AFAP1L2: variants seen among roughly 807,000 people sequenced by gnomAD.
The protein encoded by AFAP1L2 is actin filament associated protein 1 like 2, also known as actin filament-associated protein 1-like 2.
Under a neutral mutation model 99.3 loss-of-function variants are expected in AFAP1L2, and 46 were observed. That is an observed-to-expected ratio of 0.46 (90% CI 0.37 to 0.59). AFAP1L2 has a LOEUF of 0.59. Ranked by LOEUF, AFAP1L2 falls within the 20% of genes least tolerant of loss-of-function variation. The pLI is 0.00. For missense variants in AFAP1L2, 959 were observed against 1,034.9 expected (o/e 0.93, Z 1.01); for synonymous variants, 397 against 419.1 (o/e 0.95, Z 0.64).
At position 114,294,936 on chromosome 10, in the gene AFAP1L2, C is replaced by T. The variant is rs2039953345; in HGVS notation, c.*1106G>A. On this transcript the variant is annotated 3_prime_UTR_variant, in exon 19 of 19. Transcript: ENST00000304129. ...AAGAATAAAAAAGACATTTAGTTCT[C>T]AGGAACAAGTGTTAGAGAACTGATA... 1.0e-6 allele frequency: 1 copy of T among 982,798 alleles called. No homozygotes were observed. The allele number at this position is 982,798 out of a possible 1,614,324, so 60.9% of individuals were successfully genotyped here.
chr10:114,342,006 G>A (rs1157009992), intron 1 of AFAP1L2, among the ~76,000 whole-genome samples: 1 of 152,174 alleles, frequency 6.6e-6, no homozygotes, highest in Non-Finnish European at 1.5e-5. Flanking sequence ...CTTGGAAGAC[G>A]GCTACGTGGG....
rs2044573535 is a variant in AFAP1L2, at chr10:114,318,748, G to GAAAAAAGAAAAAAAGAA, written c.407-2984_407-2983insTTCTTTTTTTCTTTTTT. 6.7e-5 allele frequency among the ~76,000 whole-genome samples: 8 copies of GAAAAAAGAAAAAAAGAA among 118,924 alleles called. 1 individual carries two copies. In the East Asian group the frequency reaches 1.7e-3, roughly 26 times the overall value. The allele number at this position is 118,924 out of a possible 152,430, so 78.0% of individuals were successfully genotyped here. A position where few individuals can be genotyped will look rare whatever the true frequency, so the allele number is the denominator to read the frequency against. On this transcript the variant is annotated intron_variant, in intron 5 of 18. Transcript: ENST00000304129. ...AGGGTGAGACTCTGTCTAAAAAAAA[G>GAAAAAAGAAAAAAAGAA]AAAAAAAAAAGAACAACAAATCATA...
chr10:114,316,006 C>A (rs1211454175), intron 5 of AFAP1L2, among the ~76,000 whole-genome samples: 1 of 152,230 alleles, frequency 6.6e-6, no homozygotes, highest in Non-Finnish European at 1.5e-5. Flanking sequence ...TAACTGAAAA[C>A]CAAAGTCTCT....
intron 4 of AFAP1L2, among the ~76,000 whole-genome samples, chr10:114,323,537 A>G (rs7902037): frequency 0.01 from 1,574 of 152,272 alleles, 27 homozygotes; most frequent in African/African-American, 0.036. Flanking sequence ...CCCCTACCAC[A>G]CACACAAAAT....
intron 5 of AFAP1L2, among the ~76,000 whole-genome samples, chr10:114,321,357 T>C (rs1187714919): frequency 6.6e-6 from 1 of 152,188 alleles, no homozygotes; most frequent in Non-Finnish European, 1.5e-5. Flanking sequence ...ACATAAGATA[T>C]TTGGTTTTTC....
At chr10:114,367,738 G>A (rs759195655) in intron 1 of AFAP1L2, among the ~76,000 whole-genome samples, 1 of 152,196 alleles carries the variant, frequency 6.6e-6, no homozygotes, top group Admixed American at 6.5e-5. Context: ...AACGGGCAGA[G>A]GGGGTGGAAG....
intron 2 of AFAP1L2, among the ~76,000 whole-genome samples, chr10:114,335,612 C>CAAAAA (rs57598926): frequency 7.6e-6 from 1 of 131,932 alleles, no homozygotes. Context: ...GACTCCGTCT[C>CAAAAA]AAAAAAAAAA....
chr10:114,290,120 G>A (rs1039833641), downstream of AFAP1L2: 41 of 1,366,036 alleles, frequency 3.0e-5, no homozygotes, highest in South Asian at 1.9e-4. Context: ...ATGAGCTACC[G>A]GGGCAAAGGG....
chr10:114,319,626 G>A, intron 5 of AFAP1L2: 9 of 1,289,728 alleles, frequency 7.0e-6, no homozygotes, highest in Non-Finnish European at 9.1e-6. Context: ...CTCCAGTGGG[G>A]AGAAATCCGC....
At chr10:114,376,845 A>G (rs1224370162) in intron 1 of AFAP1L2, among the ~76,000 whole-genome samples, 2 of 152,144 alleles carry the variant, frequency 1.3e-5, no homozygotes, top group Non-Finnish European at 2.9e-5. Flanking sequence ...ATAATAGACC[A>G]CCCAAACAGA....
At chr10:114,335,050 TCAA>T (rs1275915013) in intron 2 of AFAP1L2, among the ~76,000 whole-genome samples, 1 of 152,124 alleles carries the variant, frequency 6.6e-6, no homozygotes, top group Non-Finnish European at 1.5e-5. Context: ...ACTCAAAGGC[TCAA>T]CAATAGGAAA....
At chr10:114,305,318 C>T (rs996529985) in intron 10 of AFAP1L2, among the ~76,000 whole-genome samples, 2 of 142,260 alleles carry the variant, frequency 1.4e-5, no homozygotes, top group African/African-American at 5.4e-5. Flanking sequence ...GACGGAGCTG[C>T]AGGAGGGGTC....
rs145718295 is a variant in AFAP1L2, at chr10:114,297,219, C to A, written c.2307+1G>T. Reference sequence around the variant, plus strand: ...CCAGAGGCCGCAGTTCCAGCACTCACGCGGGGGCTCACATTCTCCAGGTGG... The same window carrying A: ...CCAGAGGCCGCAGTTCCAGCACTCAAGCGGGGGCTCACATTCTCCAGGTGG... On this transcript the variant is annotated splice_donor_variant, in intron 17 of 18. Transcript: ENST00000304129. LOFTEE classifies it high-confidence loss of function. 3 of 1,571,010 alleles carry A rather than the reference C, an allele frequency of 1.9e-6. No individual in the cohort carries two copies. In the Admixed American group the frequency reaches 5.1e-5, roughly 27 times the overall value.
In AFAP1L2 at chr10:114,399,598, A is replaced by G. The variant is rs79516248; in HGVS notation, c.16+4842T>C. 2.6e-3 allele frequency among the ~76,000 whole-genome samples: 392 copies of G among 152,218 alleles called. 3 individuals carry two copies. The highest frequency in any genetic ancestry group is 8.8e-3 in the African/African-American group (365 of 41,530). ...AGGCCTCAGTTGGCCTGTCTCTCAA[A>G]TGGGAGTGAATAATGGTCCGTGTTG... On this transcript the variant is annotated intron_variant, in intron 1 of 18. Transcript: ENST00000304129.
At chr10:114,354,335 A>G (rs924107220) in intron 1 of AFAP1L2, among the ~76,000 whole-genome samples, 2 of 152,230 alleles carry the variant, frequency 1.3e-5, no homozygotes, top group Admixed American at 1.3e-4. Flanking sequence ...CCTCTAATGG[A>G]CAAGAACCAA....
chr10:114,316,958 C>T (rs1401966961), intron 5 of AFAP1L2, among the ~76,000 whole-genome samples: 1 of 152,230 alleles, frequency 6.6e-6, no homozygotes, highest in Non-Finnish European at 1.5e-5. Context: ...GAAATGGACT[C>T]AGCATCTATT....
intron 6 of AFAP1L2, among the ~76,000 whole-genome samples, chr10:114,315,321 G>C (rs916744816): frequency 1.3e-5 from 2 of 152,170 alleles, no homozygotes; most frequent in Non-Finnish European, 2.9e-5. Flanking sequence ...GGCGGTGGTA[G>C]TCACAACCCC....
chr10:114,378,976 C>T (rs537642528), intron 1 of AFAP1L2, among the ~76,000 whole-genome samples: 1 of 152,082 alleles, frequency 6.6e-6, no homozygotes, highest in African/African-American at 2.4e-5. Context: ...CTCTGGGAGG[C>T]CGAGGCGGGC....
chr10:114,334,214 C>A (rs1236797574), intron 2 of AFAP1L2, among the ~76,000 whole-genome samples: 2 of 152,220 alleles, frequency 1.3e-5, no homozygotes, highest in African/African-American at 4.8e-5. Flanking sequence ...CAGGTTAAGT[C>A]ACCTTTCCCA....
Sources: allele counts gnomAD v4.1 joint callset (sites outside exome capture counted in the v4.1 genomes callset), GRCh38; gene constraint gnomAD v4.1.1; transcripts MANE v1.5; gene names NCBI Gene and HGNC (gene_info 2026-07-23, HGNC 2026-07-21).